Variants in SMUG1 observed in about 807,000 individuals in gnomAD.
SMUG1 encodes single-strand selective monofunctional uracil DNA glycosylase.
In SMUG1, 13 loss-of-function variants were observed where a neutral mutation model predicts 23.9. The ratio of observed to expected loss-of-function variants is 0.54; its 90% CI spans 0.35 to 0.86. The LOEUF (loss-of-function observed/expected upper bound fraction) is 0.86. SMUG1 is among the 40% of genes least tolerant of loss of function. The probability of loss-of-function intolerance (pLI) is 0.01; values close to 1 mark genes in which losing one functional copy is unlikely to be tolerated. For missense variants in SMUG1, 313 were observed against 339.5 expected, an observed-to-expected ratio of 0.92 and a Z score of 0.61; for synonymous variants, 133 against 139.8, an observed-to-expected ratio of 0.95 and a Z score of 0.34.
chr12:54,182,317 G>A lies in SMUG1; in HGVS notation c.592C>T (p.Leu198Phe), dbSNP rs1170370973. The change falls in exon 4 of 4, where the codon CTC (leucine) becomes TTC (phenylalanine). Residue 198 changes from leucine to phenylalanine, a missense_variant. Coordinates refer to ENST00000682136, the MANE Select transcript of SMUG1 (RefSeq NM_001243787.2). ...EQLLGICDAA[L>F]CRQVQLLGVR... ...CCCAGCAGCTGCACCTGCCGGCAGA[G>A]GGCTGCATCACAGATCCCAAGAAGC... 1.9e-6 allele frequency: 3 copies of A among 1,613,908 alleles called. No individual in the cohort carries two copies. Among genetic ancestry groups the A allele is most frequent in the Admixed American group, 3.3e-5 (2 of 60,004 alleles).
chr12:54,175,500 T>C (rs1310158903), downstream of SMUG1, among the ~76,000 whole-genome samples: 1 of 152,154 alleles, frequency 6.6e-6, no homozygotes, highest in Non-Finnish European at 1.5e-5. Context: ...ATGGTCCCGT[T>C]TTGCAAATAT....
downstream of SMUG1, among the ~76,000 whole-genome samples, chr12:54,164,053 A>G: frequency 6.6e-6 from 1 of 152,040 alleles, no homozygotes; most frequent in Non-Finnish European, 1.5e-5. Flanking sequence ...CTGACCCGGG[A>G]GGCAGAAGGG....
chr12:54,173,502 C>G (rs1397761013), intron 2 of SMUG1, among the ~76,000 whole-genome samples: 1 of 152,192 alleles, frequency 6.6e-6, no homozygotes. Context: ...AAAGCCGCGT[C>G]GAGCGGGGAA....
chr12:54,173,601 G>T (rs1201358722), intron 2 of SMUG1, among the ~76,000 whole-genome samples: 5 of 152,222 alleles, frequency 3.3e-5, no homozygotes, highest in Admixed American at 6.5e-5. Context: ...ATCGCCGCGC[G>T]GGCTGGTTAT....
At chr12:54,171,310 T>C (rs1399990953) in intron 3 of SMUG1, among the ~76,000 whole-genome samples, 2 of 151,478 alleles carry the variant, frequency 1.3e-5, no homozygotes, top group Non-Finnish European at 2.9e-5. Context: ...ACCTTCACTT[T>C]CTATCAGCTT....
At position 54,183,962 on chromosome 12, in the gene SMUG1, G is replaced by A. The variant is rs762583306; in HGVS notation, c.-19-3C>T. The A allele has an allele frequency of 1.3e-6, 2 of 1,500,506 alleles. No individual in the cohort carries two copies. Among genetic ancestry groups the A allele is most frequent in the South Asian group, 1.3e-5 (1 of 76,094 alleles). The allele number at this position is 1,500,506 out of a possible 1,614,324, so 92.9% of individuals were successfully genotyped here. ...GCATATGTCCATGCCGCTGTCACCT[G>A]GGAAAAGAGATGGACAGAAGCCCCA... is the stretch of plus-strand genomic sequence containing the variant. On this transcript the variant is annotated splice_region_variant and splice_polypyrimidine_tract_variant and intron_variant, in intron 2 of 3. Transcript: ENST00000682136.
At chr12:54,176,278 A>G (rs888855739), downstream of SMUG1, among the ~76,000 whole-genome samples, 16 of 150,006 alleles carry the variant, frequency 1.1e-4, no homozygotes, top group African/African-American at 3.7e-4. Context: ...CCAGCACTTT[A>G]GGAGGCTAAG....
At chr12:54,174,286 T>G (rs1940700734) in intron 2 of SMUG1, among the ~76,000 whole-genome samples, 1 of 152,202 alleles carries the variant, frequency 6.6e-6, no homozygotes, top group Non-Finnish European at 1.5e-5. Flanking sequence ...AGACATTTTG[T>G]TCTTCTCCCA....
rs1350653375 is a variant in SMUG1, at chr12:54,181,979, A to G, written c.*117T>C. 6.0e-6 allele frequency: 9 copies of G among 1,503,004 alleles called. No individual in the cohort carries two copies. 93.1% of individuals were successfully genotyped at this position (1,503,004 alleles called of 1,614,324 possible). On this transcript the variant is annotated 3_prime_UTR_variant, in exon 4 of 4. Coordinates refer to ENST00000682136, the MANE Select transcript of SMUG1 (RefSeq NM_001243787.2). ...CAACAGATCAAAGAATACGTTTCCC[A>G]GCGACCAGGGTGCACAGAAGGACCT...
chr12:54,163,120 A>C (rs1342766858), downstream of SMUG1: 2 of 152,246 alleles, frequency 1.3e-5, no homozygotes, highest in African/African-American at 2.4e-5. Flanking sequence ...CTGGTGGCAG[A>C]CTTTACACCG....
rs1941202785 is a variant in SMUG1 at position 54,182,149 on chromosome 12, C to T, written c.760G>A (p.Val254Met). The T allele has an allele frequency of 2.5e-6, 4 of 1,583,652 alleles. No homozygotes were observed. The highest frequency in any genetic ancestry group is 3.5e-5 in the Admixed American group (2 of 56,498). Residue 254 changes from valine (V) to methionine (M), a missense_variant, in exon 4 of 4, where the codon GTG (valine) becomes ATG (methionine). Transcript: ENST00000682136. ...NPQANKGWEA[V>M]AKERLNELGL... Reference sequence around the variant, plus strand: ...AGCTCATTCAATCTTTCCTTGGCCACTGCCTCCCAGCCCTTGTTGGCCTGT... The same window carrying T: ...AGCTCATTCAATCTTTCCTTGGCCATTGCCTCCCAGCCCTTGTTGGCCTGT...
chr12:54,172,523 T>C (rs1253965623), intron 2 of SMUG1: 1 of 165,548 alleles, frequency 6.0e-6, no homozygotes, highest in Non-Finnish European at 1.3e-5. Context: ...TTGCTTCCTC[T>C]GTCTTCCTCA....
In SMUG1 at chr12:54,182,494, C is replaced by A. The variant is rs752957942; in HGVS notation, c.415G>T (p.Ala139Ser). ...LECPQSEVSG[A>S]RFWGFFRNLC... is the part of the protein sequence containing the mutation. ...TTCCGGAAAAAGCCCCAGAATCGGG[C>A]ACCACTCACTTCTGACTGTGGGCAC... The change falls in exon 4 of 4, where the codon GCC (alanine) becomes TCC (serine). Residue 139 changes from alanine to serine, a missense_variant. By Grantham distance (99) the Ala-to-Ser change is moderately conservative. Transcript: ENST00000682136. The A allele has an allele frequency of 6.2e-7, 1 of 1,614,116 alleles. No homozygotes were observed. Among genetic ancestry groups the A allele is most frequent in the Non-Finnish European group, 8.5e-7 (1 of 1,180,022 alleles).
chr12:54,188,295 A>AATAAAAAAT (rs869289712), intron 1 of SMUG1, among the ~76,000 whole-genome samples: 1 of 68,894 alleles, frequency 1.5e-5, no homozygotes, highest in African/African-American at 4.5e-5. Context: ...TAATAATAAT[A>AATAAAAAAT]AATAATAATA....
chr12:54,181,968 A>G lies in SMUG1; in HGVS notation c.*128T>C. Reference sequence around the variant, plus strand: ...GGAAGACAGTTCAACAGATCAAAGAATACGTTTCCCAGCGACCAGGGTGCA... The same window carrying G: ...GGAAGACAGTTCAACAGATCAAAGAGTACGTTTCCCAGCGACCAGGGTGCA... On this transcript the variant is annotated 3_prime_UTR_variant, in exon 4 of 4. Coordinates refer to ENST00000682136, the MANE Select transcript of SMUG1 (RefSeq NM_001243787.2). 1.3e-6 allele frequency: 2 copies of G among 1,500,654 alleles called. No homozygotes were observed. Among genetic ancestry groups the G allele is most frequent in the South Asian group, 2.8e-5 (2 of 70,850 alleles). The allele number at this position is 1,500,654 out of a possible 1,614,324, so 93.0% of individuals were successfully genotyped here.
chr12:54,172,850 C>A (rs1223502011), intron 2 of SMUG1: 1 of 152,618 alleles, frequency 6.6e-6, no homozygotes, highest in East Asian at 1.9e-4. Context: ...AAGCCCACCA[C>A]CTGCTCCCAC....
In SMUG1 at chr12:54,181,476, C is replaced by A. The variant is rs1387106052; in HGVS notation, c.*620G>T. On this transcript the variant is annotated 3_prime_UTR_variant, in exon 4 of 4. Coordinates refer to ENST00000682136, the MANE Select transcript of SMUG1 (RefSeq NM_001243787.2). The stretch of plus-strand genomic sequence containing the variant: ...TGTTTTACAGATGAGGAGCCTGAGG[C>A]ATAGAGAGGTTTATTAATTTGTCAA... The A allele has an allele frequency of 7.7e-7, 1 of 1,300,610 alleles. No homozygotes were observed. The highest frequency in any genetic ancestry group is 1.1e-6 in the Non-Finnish European group (1 of 933,560). The allele number at this position is 1,300,610 out of a possible 1,614,324, so 80.6% of individuals were successfully genotyped here. A position where few individuals can be genotyped will look rare whatever the true frequency, so the allele number is the denominator to read the frequency against.
rs865884240 is a variant in SMUG1 at position 54,188,301 on chromosome 12, T to A, written c.-103-399A>T. 8.6e-5 allele frequency among the ~76,000 whole-genome samples: 10 copies of A among 116,668 alleles called. No homozygotes were observed. In the East Asian group the frequency reaches 1.9e-3, roughly 22 times the overall value. 76.5% of individuals were successfully genotyped at this position (116,668 alleles called of 152,430 possible). A position where few individuals can be genotyped will look rare whatever the true frequency, so the allele number is the denominator to read the frequency against. ...TAATAATAATAATAATAATAAATAA[T>A]AATAATAATAATAATAATAATAATA... On this transcript the variant is annotated intron_variant, in intron 1 of 3. Transcript: ENST00000682136.
rs904479626 is a variant in SMUG1, at chr12:54,188,132, C to T, written c.-103-230G>A. On this transcript the variant is annotated intron_variant, in intron 1 of 3. Transcript: ENST00000682136. ...AAGCGATAAGGCTGACCACCAAGGG[C>T]CGACTTCAGACTGATGTCAGACTTC... Among the ~76,000 whole-genome samples the T allele has an allele frequency of 4.0e-5, 6 of 151,846 alleles. No homozygotes were observed. The South Asian group carries it at 1.2e-3, about 32-fold the overall frequency.
Sources: allele counts gnomAD v4.1 joint callset (sites outside exome capture counted in the v4.1 genomes callset), GRCh38; gene constraint gnomAD v4.1.1; transcripts MANE v1.5; gene names NCBI Gene and HGNC (gene_info 2026-07-23, HGNC 2026-07-21).